Variants in LDLRAD4 observed in about 807,000 individuals in gnomAD.
LDLRAD4 encodes the protein low density lipoprotein receptor class A domain containing 4, also known as low-density lipoprotein receptor class A domain-containing protein 4.
A neutral mutation model predicts 17.0 loss-of-function variants in LDLRAD4; 5 were observed. That is an observed-to-expected ratio of 0.29 (90% CI 0.15 to 0.62). LDLRAD4 has a LOEUF of 0.62. LDLRAD4 is among the 20% of genes least tolerant of loss of function. LDLRAD4 has a pLI of 0.84. For missense variants in LDLRAD4, 340 were observed against 424.7 expected, an observed-to-expected ratio of 0.80 and a Z score of 1.75; for synonymous variants, 168 against 171.8, an observed-to-expected ratio of 0.98 and a Z score of 0.17.
intron 1 of LDLRAD4, among the ~76,000 whole-genome samples, chr18:13,373,323 G>A (rs1370545845): frequency 2.0e-5 from 3 of 152,044 alleles, no homozygotes; most frequent in Non-Finnish European, 4.4e-5. Context: ...GTTTGTGTAT[G>A]ACATTATACA....
chr18:13,508,091 G>GA (rs2093722924), intron 3 of LDLRAD4, among the ~76,000 whole-genome samples: 2 of 149,250 alleles, frequency 1.3e-5, no homozygotes, highest in African/African-American at 5.2e-5. Context: ...GAAAGTTTAA[G>GA]TGGTCTGGAT....
chr18:13,218,485 T>G (rs1018841408), upstream of LDLRAD4, among the ~76,000 whole-genome samples: 27 of 151,956 alleles, frequency 1.8e-4, no homozygotes, highest in Non-Finnish European at 5.9e-5. Flanking sequence ...CAGCCCCAAC[T>G]GTCTCCGCGC....
chr18:13,459,152 T>C (rs1416076220), intron 3 of LDLRAD4, among the ~76,000 whole-genome samples: 1 of 103,374 alleles, frequency 9.7e-6, no homozygotes, highest in Admixed American at 1.5e-4. Context: ...AGACTCCATC[T>C]CTACACCAAA....
intron 1 of LDLRAD4, among the ~76,000 whole-genome samples, chr18:13,252,061 A>G (rs2043248654): frequency 6.6e-6 from 1 of 152,252 alleles, no homozygotes; most frequent in African/African-American, 2.4e-5. Flanking sequence ...CAGGAGAAAC[A>G]GTCTGCATTG....
intron 1 of LDLRAD4, among the ~76,000 whole-genome samples, chr18:13,271,297 T>C (rs532724150): frequency 6.6e-6 from 1 of 152,340 alleles, no homozygotes; most frequent in South Asian, 2.1e-4. Context: ...TTGCTGCTGA[T>C]GTAGACGACT....
At chr18:13,272,050 C>T (rs1488489878) in intron 1 of LDLRAD4, among the ~76,000 whole-genome samples, 1 of 152,166 alleles carries the variant, frequency 6.6e-6, no homozygotes, top group Admixed American at 6.5e-5. Flanking sequence ...TGCATGCCAC[C>T]ATGCCTAGCT....
At chr18:13,494,608 G>A (rs543537635) in intron 3 of LDLRAD4, among the ~76,000 whole-genome samples, 53 of 60,632 alleles carry the variant, frequency 8.7e-4, no homozygotes, top group Non-Finnish European at 1.6e-3. Context: ...AGCCCCAGGA[G>A]ACTAAGGCTG....
intron 1 of LDLRAD4, among the ~76,000 whole-genome samples, chr18:13,233,272 T>C (rs1001042827): frequency 1.3e-4 from 20 of 152,198 alleles, no homozygotes; most frequent in African/African-American, 4.6e-4. Flanking sequence ...GTAGTGCTGC[T>C]GTGATGTAGC....
At chr18:13,472,385 C>G (rs1418386898) in intron 3 of LDLRAD4, 2 of 152,276 alleles carry the variant, frequency 1.3e-5, no homozygotes, top group Non-Finnish European at 2.9e-5. Flanking sequence ...GCTTTGATTT[C>G]AGATAAAAGA....
chr18:13,354,598 T>G (rs551598875), intron 1 of LDLRAD4, among the ~76,000 whole-genome samples: 12 of 152,260 alleles, frequency 7.9e-5, no homozygotes, highest in African/African-American at 2.6e-4. Flanking sequence ...CTGAGATGAC[T>G]TAGACACCAT....
chr18:13,342,655 C>G (rs534747430), intron 1 of LDLRAD4, among the ~76,000 whole-genome samples: 2 of 151,654 alleles, frequency 1.3e-5, no homozygotes, highest in African/African-American at 2.4e-5. Context: ...CACCACTGCT[C>G]TCTTTTCATT....
intron 1 of LDLRAD4, among the ~76,000 whole-genome samples, chr18:13,386,925 T>C (rs983239525): frequency 6.8e-6 from 1 of 146,474 alleles, no homozygotes; most frequent in Admixed American, 7.0e-5. Context: ...GATAGATAGA[T>C]AGATAGATAG....
intron 1 of LDLRAD4, among the ~76,000 whole-genome samples, chr18:13,349,160 G>A (rs754975722): frequency 2.7e-4 from 41 of 152,200 alleles, no homozygotes; most frequent in African/African-American, 4.1e-4. Context: ...TGTCTTCTGC[G>A]TTGCTCACGC....
At chr18:13,383,335 A>G (rs1161672308) in intron 1 of LDLRAD4, among the ~76,000 whole-genome samples, 2 of 152,106 alleles carry the variant, frequency 1.3e-5, no homozygotes, top group Non-Finnish European at 2.9e-5. Flanking sequence ...TGTGGGGGAG[A>G]CGGGCAGGCA....
At chr18:13,221,963 CA>C (rs1161801203) in intron 1 of LDLRAD4, among the ~76,000 whole-genome samples, 2 of 152,144 alleles carry the variant, frequency 1.3e-5, no homozygotes, top group African/African-American at 2.4e-5. Context: ...AAAGGGTATG[CA>C]AAAAGTCCTC....
chr18:13,620,291 C>T (rs921028100), intron 3 of LDLRAD4, among the ~76,000 whole-genome samples: 1 of 152,244 alleles, frequency 6.6e-6, no homozygotes, highest in Non-Finnish European at 1.5e-5. Context: ...CTTCTTACTC[C>T]TGCCTCCCCC....
chr18:13,641,653 C>G (rs895970554), intron 4 of LDLRAD4: 1 of 624,614 alleles, frequency 1.6e-6, no homozygotes, highest in African/African-American at 2.0e-5. Context: ...GGCGGCGGCC[C>G]AGAGGAGCAG....
At chr18:13,567,076 C>T (rs182898926) in intron 3 of LDLRAD4, among the ~76,000 whole-genome samples, 5 of 152,294 alleles carry the variant, frequency 3.3e-5, no homozygotes, top group South Asian at 2.1e-4. Flanking sequence ...TGCCAGTGCA[C>T]GCAGACTTGT....
At chr18:13,492,230 G>GC (rs1410740252) in intron 3 of LDLRAD4, among the ~76,000 whole-genome samples, 2 of 152,316 alleles carry the variant, frequency 1.3e-5, no homozygotes, top group South Asian at 2.1e-4. Context: ...GATGCGAGTG[G>GC]CCTGCCACAG....
Sources: allele counts gnomAD v4.1 joint callset (sites outside exome capture counted in the v4.1 genomes callset), GRCh38; gene constraint gnomAD v4.1.1; transcripts MANE v1.5; gene names NCBI Gene and HGNC (gene_info 2026-07-23, HGNC 2026-07-21).